Variants in ZNF106 observed in about 807,000 individuals in gnomAD.
ZNF106 encodes zinc finger protein 106, also known as SH3-domain binding protein 3.
Under a neutral mutation model 195.1 loss-of-function variants are expected in ZNF106, and 67 were observed. That is an observed-to-expected ratio of 0.34 (90% CI 0.28 to 0.42). ZNF106 has a LOEUF of 0.42. Ranked by LOEUF, ZNF106 falls within the 10% of genes least tolerant of loss-of-function variation. ZNF106 has a pLI of 1.00. For synonymous variants in ZNF106, 784 were observed against 818.6 expected (o/e 0.96, Z 0.72); for missense variants, 2,118 against 2,304.5 (o/e 0.92, Z 1.66).
chr15:42,482,148 CTATT>C (rs1287351492), intron 1 of ZNF106, among the ~76,000 whole-genome samples: 1 of 152,130 alleles, frequency 6.6e-6, no homozygotes, highest in Non-Finnish European at 1.5e-5. Flanking sequence ...TCTAGAATGT[CTATT>C]TAGTTATCTT....
chr15:42,460,201 A>G (rs1176856377), intron 3 of ZNF106, among the ~76,000 whole-genome samples: 1 of 152,184 alleles, frequency 6.6e-6, no homozygotes, highest in Non-Finnish European at 1.5e-5. Flanking sequence ...AATCCCTAAA[A>G]AGTATTTTAA....
At chr15:42,482,522 GTTTTTTT>G (rs905219332) in intron 1 of ZNF106, among the ~76,000 whole-genome samples, 7 of 82,544 alleles carry the variant, frequency 8.5e-5, no homozygotes, top group South Asian at 8.5e-4. Context: ...GAAATCTCCA[GTTTTTTT>G]TTTTTTTTTT....
At chr15:42,434,499 A>G (rs985509137) in intron 14 of ZNF106, among the ~76,000 whole-genome samples, 33 of 152,294 alleles carry the variant, frequency 2.2e-4, no homozygotes, top group African/African-American at 7.9e-4. Context: ...TATTCCCAGT[A>G]AAATATAAGA....
chr15:42,424,688 C>A (rs1247948716), intron 16 of ZNF106, 146 bp downstream of exon 16: 2 of 750,574 alleles, frequency 2.7e-6, no homozygotes, highest in East Asian at 5.5e-5. Flanking sequence ...CCATGTTGCC[C>A]TGGCTGGTCT....
chr15:42,452,058 G>C, intron 4 of ZNF106, 104 bp from the exon 5 acceptor site: 1 of 1,281,256 alleles, frequency 7.8e-7, no homozygotes, highest in Non-Finnish European at 1.1e-6. Flanking sequence ...CCGTTACTTA[G>C]AATATGTAAC....
At chr15:42,490,283 A>G (rs2057120450) in intron 1 of ZNF106, 2 of 152,054 alleles carry the variant, frequency 1.3e-5, no homozygotes, top group Admixed American at 1.3e-4. Flanking sequence ...ATAAACCATT[A>G]TGGTGGATAC....
chr15:42,438,785 G>A (rs1314683176), intron 11 of ZNF106, 118 bp from the exon 12 acceptor site: 3 of 961,916 alleles, frequency 3.1e-6, no homozygotes, highest in Non-Finnish European at 1.6e-6. Flanking sequence ...AATGATATAA[G>A]AGATTAGATT....
At chr15:42,478,200 G>A (rs975216193) in intron 1 of ZNF106, among the ~76,000 whole-genome samples, 9 of 152,086 alleles carry the variant, frequency 5.9e-5, no homozygotes. Flanking sequence ...GTCTCACTCT[G>A]TTGTCCAGGC....
chr15:42,459,198 A>C (rs2056323901), intron 3 of ZNF106, among the ~76,000 whole-genome samples: 1 of 152,120 alleles, frequency 6.6e-6, no homozygotes, highest in Non-Finnish European at 1.5e-5. Context: ...ATCTTCGGCC[A>C]GGCGTGGTGG....
Position 42,442,271 on chromosome 15 carries a change from G to A in ZNF106, c.3565C>T (p.His1189Tyr), listed in dbSNP as rs770514798. 1.2e-6 allele frequency: 2 copies of A among 1,614,026 alleles called. No homozygotes were observed. The highest frequency in any genetic ancestry group is 2.7e-5 in the African/African-American group (2 of 74,908). Residue 1189 changes from histidine to tyrosine, a missense_variant, in exon 10 of 22, where the codon CAT becomes TAT. By Grantham distance (83) the His-to-Tyr change is moderately conservative (BLOSUM62 2). Coordinates refer to ENST00000564754, the MANE Select transcript of ZNF106 (RefSeq NM_001366845.3). ...FPLFLEPPSS[H>Y]VSPSPTGASL... Reference sequence around the variant, plus strand: ...GCTCCGGTGGGTGATGGAGACACATGGGAAGATGGAGGCTCCAGAAAAAGT... The same window carrying A: ...GCTCCGGTGGGTGATGGAGACACATAGGAAGATGGAGGCTCCAGAAAAAGT...
chr15:42,459,938 G>A (rs1208209376), intron 3 of ZNF106, among the ~76,000 whole-genome samples: 1 of 151,818 alleles, frequency 6.6e-6, no homozygotes, highest in African/African-American at 2.4e-5. Flanking sequence ...AGCTACTCAG[G>A]AGGCTGAGGC....
chr15:42,419,881 C>T (rs973854273), intron 20 of ZNF106, among the ~76,000 whole-genome samples: 3 of 152,136 alleles, frequency 2.0e-5, no homozygotes, highest in East Asian at 1.9e-4. Context: ...ACCAGGGAGT[C>T]GGAGGTTGCA....
At chr15:42,478,944 C>T (rs1391099863) in intron 1 of ZNF106, among the ~76,000 whole-genome samples, 2 of 152,136 alleles carry the variant, frequency 1.3e-5, no homozygotes, top group African/African-American at 4.8e-5. Flanking sequence ...ATTTTGATGT[C>T]GTATTTTCAT....
rs892126044 is a variant in ZNF106 at position 42,488,690 on chromosome 15, T to G, written c.-33+2290A>C. 2.0e-5 allele frequency among the ~76,000 whole-genome samples: 3 copies of G among 152,176 alleles called. No homozygotes were observed. The South Asian group carries it at 6.2e-4, about 32-fold the overall frequency. ...TAGCATCTTCCATTCCTCTCAACTC[T>G]TGTAGAGCAGCCTTCAGACTACACG... On this transcript the variant is annotated intron_variant, in intron 1 of 21. Transcript: ENST00000564754.
In ZNF106 at chr15:42,482,522, G is replaced by GTTTTTTTTTTTT. The variant is rs905219332; in HGVS notation, c.-33+8446_-33+8457dup. On this transcript the variant is annotated intron_variant, in intron 1 of 21. Transcript: ENST00000564754. ...TCTTAGGCAGTAGATGAAATCTCCA[G>GTTTTTTTTTTTT]TTTTTTTTTTTTTTTTTTTTTTTTG... Among the ~76,000 whole-genome samples, 10 of 82,544 alleles carry GTTTTTTTTTTTT rather than the reference G, an allele frequency of 1.2e-4. 2 individuals carry two copies. Among genetic ancestry groups the GTTTTTTTTTTTT allele is most frequent in the African/African-American group, 2.8e-4 (5 of 17,574 alleles). 54.2% of individuals were successfully genotyped at this position (82,544 alleles called of 152,430 possible). A position where few individuals can be genotyped will look rare whatever the true frequency, so the allele number is the denominator to read the frequency against.
chr15:42,466,636 T>A (rs1328661357), intron 2 of ZNF106, among the ~76,000 whole-genome samples: 1 of 152,202 alleles, frequency 6.6e-6, no homozygotes, highest in Non-Finnish European at 1.5e-5. Flanking sequence ...GTTACAAACA[T>A]AACAGAGCCT....
At chr15:42,431,287 T>C (rs1322401027) in intron 14 of ZNF106, among the ~76,000 whole-genome samples, 3 of 152,054 alleles carry the variant, frequency 2.0e-5, no homozygotes, top group African/African-American at 7.3e-5. Context: ...CTGGTAAATG[T>C]TCTATGTGCA....
chr15:42,437,242 T>A lies in ZNF106; in HGVS notation c.4736A>T (p.Tyr1579Phe). The A allele has an allele frequency of 6.2e-7, 1 of 1,611,828 alleles. No homozygotes were observed. The change falls in exon 13 of 22, where the codon TAT becomes TTT. Residue 1579 changes from tyrosine (Y) to phenylalanine (F), a missense_variant. Coordinates refer to ENST00000564754, the MANE Select transcript of ZNF106 (RefSeq NM_001366845.3). ...GTTCTATCAACTTACCACCAGATTATAAACCCGAACAGTTTTATCTGCTGA... is the reference window on the plus strand; with the variant it reads ...GTTCTATCAACTTACCACCAGATTAAAAACCCGAACAGTTTTATCTGCTGA... Reference protein sequence around the residue: ...TCSADKTVRVYNLVSRKCIGV... With the variant: ...TCSADKTVRVFNLVSRKCIGV...
In ZNF106 at chr15:42,428,058, G is replaced by A. The variant is rs766933029; in HGVS notation, c.4958C>T (p.Ala1653Val). 1.5e-5 allele frequency: 25 copies of A among 1,613,848 alleles called. No homozygotes were observed. In the East Asian group the frequency reaches 1.8e-4, roughly 12 times the overall value. Residue 1653 changes from alanine to valine, a missense_variant, in exon 15 of 22, where the codon GCG becomes GTG. Coordinates refer to ENST00000564754, the MANE Select transcript of ZNF106 (RefSeq NM_001366845.3). ...CLHSRWRILY[A>V]GLANGTVVTF... ...GACCACAGTGCCATTTGCCAGTCCCGCATAGAGGATTCGCCATCTACTGTG... is the reference window on the plus strand; with the variant it reads ...GACCACAGTGCCATTTGCCAGTCCCACATAGAGGATTCGCCATCTACTGTG...
Sources: gnomAD v4.1 joint callset for allele counts (sites outside exome capture counted in the v4.1 genomes callset) on GRCh38, gnomAD v4.1.1 for gene constraint, MANE v1.5 for transcripts, NCBI Gene and HGNC (gene_info 2026-07-23, HGNC 2026-07-21) for gene names.